The following BEST2 variants were observed in gnomAD, a reference collection of about 807,000 sequenced individuals.
The protein encoded by BEST2 is bestrophin-2a.
Under a neutral mutation model 49.0 loss-of-function variants are expected in BEST2, and 36 were observed. The observed-to-expected ratio is 0.73, with a 90% CI of 0.56 to 0.97. BEST2 has a LOEUF of 0.97. BEST2 is among the 50% of genes least tolerant of loss of function. The pLI, the probability that BEST2 is intolerant of heterozygous loss-of-function variation, is 0.00. For synonymous variants in BEST2, 335 were observed against 304.4 expected, an observed-to-expected ratio of 1.10 and a Z score of -1.05; for missense variants, 672 against 710.0, an observed-to-expected ratio of 0.95 and a Z score of 0.61.
At chr19:12,753,192 CAA>C in intron 2 of BEST2, 66 bp from the exon 3 acceptor site, 1 of 1,536,600 alleles carries the variant, frequency 6.5e-7, no homozygotes, top group Admixed American at 1.7e-5. Context: ...AGGGGCACAG[CAA>C]GAGAGATCTG....
rs1450481755 is a variant in BEST2, at chr19:12,755,947, T to C, written c.948+12T>C. The C allele has an allele frequency of 1.2e-6, 2 of 1,612,806 alleles. No homozygotes were observed. Among genetic ancestry groups the C allele is most frequent in the Non-Finnish European group, 1.7e-6 (2 of 1,178,894 alleles). ...ATAGAAACTTCCAGGTGAGACTCAG[T>C]TTCCAGGTGAGACTTCCAGGTGGCG... is the stretch of plus-strand genomic sequence containing the variant. On this transcript the variant is annotated intron_variant, in intron 8 of 9. Transcript: ENST00000553030. This position sits in a 1 kb window ranked among gnomAD's most constrained non-coding sequence, Gnocchi z 4.4.
intron 3 of BEST2, among the ~76,000 whole-genome samples, chr19:12,753,827 C>A (rs973723945): frequency 2.0e-5 from 3 of 152,108 alleles, no homozygotes; most frequent in African/African-American, 4.8e-5. Context: ...TTCAGAAGTT[C>A]CTGGCTCAGG....
chr19:12,755,663 C>T lies in BEST2; in HGVS notation c.763C>T (p.Arg255Cys), dbSNP rs757260490. The T allele has an allele frequency of 3.7e-6, 6 of 1,614,046 alleles. No individual in the cohort carries two copies. Among genetic ancestry groups the T allele is most frequent in the African/African-American group, 1.3e-5 (1 of 74,994 alleles). ...CTACTTCCTGGCTTGCCTCATTGGT[C>T]GCCAGTTCCTGGACCCGGCTCAGGG... Reference protein sequence around the residue: ...YSYFLACLIGRQFLDPAQGYK... With the variant: ...YSYFLACLIGCQFLDPAQGYK... Residue 255 changes from arginine to cysteine, a missense_variant, in exon 7 of 10, where the codon CGC becomes TGC. Transcript: ENST00000553030. This position sits in a 1 kb window ranked among gnomAD's most constrained non-coding sequence, Gnocchi z 4.4.
rs1568353909 is a variant in BEST2, at chr19:12,757,954, A to C, written c.1407A>C (p.Glu469Asp). Residue 469 changes from glutamate (E) to aspartate (D), a missense_variant, in exon 10 of 10, where the codon GAA (glutamate) becomes GAC (aspartate). Physicochemically the swap from Glu to Asp is conservative, Grantham distance 45 (BLOSUM62 2). Around this residue, in one of 3 missense-constraint regions of BEST2, gnomAD observed 291 missense variants for 279.8 expected, o/e 1.04. Coordinates refer to ENST00000553030, the MANE Select transcript of BEST2 (RefSeq NM_017682.3). ...EPEAPPPAGP[E>D]PLTLIPGPVE... ...AGGCCCCGCCCCCTGCGGGTCCCGA[A>C]CCGCTTACCCTCATCCCTGGGCCTG... The C allele has an allele frequency of 1.2e-6, 2 of 1,600,278 alleles. No individual in the cohort carries two copies. The highest frequency in any genetic ancestry group is 1.7e-6 in the Non-Finnish European group (2 of 1,175,154).
In BEST2 at chr19:12,757,983, A is replaced by C; in HGVS notation, c.1436A>C (p.Glu479Ala). The change falls in exon 10 of 10, where the codon GAG becomes GCG. Residue 479 changes from glutamate to alanine, a missense_variant. Coordinates refer to ENST00000553030, the MANE Select transcript of BEST2 (RefSeq NM_017682.3). ...EPLTLIPGPV[E>A]PFSIVTMPGP... Reference sequence around the variant, plus strand: ...CTTACCCTCATCCCTGGGCCTGTCGAGCCCTTCAGCATCGTGACCATGCCC... The same window carrying C: ...CTTACCCTCATCCCTGGGCCTGTCGCGCCCTTCAGCATCGTGACCATGCCC... 2 of 1,611,502 alleles carry C rather than the reference A, an allele frequency of 1.2e-6. No individual in the cohort carries two copies. The highest frequency in any genetic ancestry group is 1.7e-6 in the Non-Finnish European group (2 of 1,179,586).
At position 12,755,971 on chromosome 19, in the gene BEST2, C is replaced by T. The variant is rs755928366; in HGVS notation, c.948+36C>T. 1.3e-5 allele frequency: 21 copies of T among 1,604,856 alleles called. No individual in the cohort carries two copies. In the South Asian group the frequency reaches 1.8e-4, roughly 13 times the overall value. ...GTTTCCAGGTGAGACTTCCAGGTGGCGACCATCCCGGAGTGCCCAACAGGG... is the reference window on the plus strand; with the variant it reads ...GTTTCCAGGTGAGACTTCCAGGTGGTGACCATCCCGGAGTGCCCAACAGGG... On this transcript the variant is annotated intron_variant, in intron 8 of 9. Transcript: ENST00000553030. The surrounding 1 kb of genome is among the most constrained non-coding windows in gnomAD (Gnocchi z 4.4).
rs763978620 is a variant in BEST2, at chr19:12,754,857, C to T, written c.482-20C>T. ...TGGAGGGGGGCAAGGGGCGAGCTAT[C>T]CCTGACCCCTTTCCTCCAGGGTTTA... On this transcript the variant is annotated intron_variant, in intron 4 of 9. Coordinates refer to ENST00000553030, the MANE Select transcript of BEST2 (RefSeq NM_017682.3). 9 of 1,606,588 alleles carry T rather than the reference C, an allele frequency of 5.6e-6. No individual in the cohort carries two copies. The Admixed American group carries it at 1.0e-4, about 18-fold the overall frequency.
At chr19:12,756,995 T>A (rs984468955) in intron 9 of BEST2, among the ~76,000 whole-genome samples, 2 of 151,688 alleles carry the variant, frequency 1.3e-5, no homozygotes, top group Non-Finnish European at 2.9e-5. Flanking sequence ...AATACAAAAT[T>A]AGCCGGGCTT....
chr19:12,752,144 G>T (rs529326983), intron 1 of BEST2, among the ~76,000 whole-genome samples: 133 of 152,174 alleles, frequency 8.7e-4, no homozygotes, highest in Non-Finnish European at 1.6e-3. Context: ...AAGTGGAGAA[G>T]GGGGAGCCAG....
In BEST2 at chr19:12,753,385, A is replaced by G. The variant is rs181211803; in HGVS notation, c.247+31A>G. On this transcript the variant is annotated intron_variant, in intron 3 of 9. Coordinates refer to ENST00000553030, the MANE Select transcript of BEST2 (RefSeq NM_017682.3). ...GTCCAACCCCAAGTCCCCCGTTCCCATGTCCCTGAGAAACCCATATCCATT... is the reference window on the plus strand; with the variant it reads ...GTCCAACCCCAAGTCCCCCGTTCCCGTGTCCCTGAGAAACCCATATCCATT... 1.3e-4 allele frequency: 201 copies of G among 1,580,776 alleles called. 5 individuals carry two copies. In the East Asian group the frequency reaches 2.5e-3, roughly 20 times the overall value.
Position 12,754,701 on chromosome 19 carries a change from G to T in BEST2, c.397G>T (p.Gly133Trp). The change falls in exon 4 of 10, where the codon GGG becomes TGG. Residue 133 changes from glycine (G) to tryptophan (W), a missense_variant. Around this residue, in one of 3 missense-constraint regions of BEST2, gnomAD observed 365 missense variants for 390.9 expected, o/e 0.93. Transcript: ENST00000553030. ...CCGGCGCACACTCATGCGCTACGCA[G>T]GGCTCTCGGCCGTGCTCATCCTGCG... is the stretch of plus-strand genomic sequence containing the variant. ...LYRRTLMRYA[G>W]LSAVLILRSV... The T allele has an allele frequency of 6.3e-7, 1 of 1,587,740 alleles. No individual in the cohort carries two copies. Among genetic ancestry groups the T allele is most frequent in the East Asian group, 2.3e-5 (1 of 43,610 alleles).
At position 12,755,594 on chromosome 19, in the gene BEST2, G is replaced by A. The variant is rs1473822065; in HGVS notation, c.715-21G>A. Reference sequence around the variant, plus strand: ...CCTTGGACCCCAATGACCCCCCTGAGCCCTGCCCCGCCCTGCCCAGGTGGT... The same window carrying A: ...CCTTGGACCCCAATGACCCCCCTGAACCCTGCCCCGCCCTGCCCAGGTGGT... On this transcript the variant is annotated intron_variant, in intron 6 of 9. Transcript: ENST00000553030. This position sits in a 1 kb window ranked among gnomAD's most constrained non-coding sequence, Gnocchi z 4.4. The A allele has an allele frequency of 1.2e-6, 2 of 1,610,426 alleles. No individual in the cohort carries two copies. Among genetic ancestry groups the A allele is most frequent in the Non-Finnish European group, 8.5e-7 (1 of 1,177,768 alleles).
intron 3 of BEST2, among the ~76,000 whole-genome samples, chr19:12,754,024 G>T (rs999518827): frequency 9.1e-5 from 13 of 142,580 alleles, no homozygotes; most frequent in African/African-American, 3.3e-4. Flanking sequence ...CATCTGAGGT[G>T]ACTCCCAAGT....
rs1394680086 is a variant in BEST2 at position 12,752,709 on chromosome 19, C to G, written c.117C>G (p.Phe39Leu). The change falls in exon 2 of 10, where the codon TTC becomes TTG. Residue 39 changes from phenylalanine (F) to leucine (L), a missense_variant. Phe to Leu is a conservative substitution (Grantham distance 22). Transcript: ENST00000553030. Reference sequence around the variant, plus strand: ...TCCTGTGGCGAGAGCTGCTCTGCTTCCTTGGGTTCTACATGGCGCTGAGTG... The same window carrying G: ...TCCTGTGGCGAGAGCTGCTCTGCTTGCTTGGGTTCTACATGGCGCTGAGTG... ...YKLLWRELLC[F>L]LGFYMALSAA... 6.2e-7 allele frequency: 1 copy of G among 1,612,518 alleles called. No individual in the cohort carries two copies. The highest frequency in any genetic ancestry group is 8.5e-7 in the Non-Finnish European group (1 of 1,179,852).
Position 12,757,997 on chromosome 19 carries a change from G to A in BEST2, c.1450G>A (p.Val484Met). 2 of 1,612,426 alleles carry A rather than the reference G, an allele frequency of 1.2e-6. No homozygotes were observed. Among genetic ancestry groups the A allele is most frequent in the South Asian group, 1.1e-5 (1 of 90,970 alleles). ...IPGPVEPFSI[V>M]TMPGPRGPAP... ...TGGGCCTGTCGAGCCCTTCAGCATC[G>A]TGACCATGCCCGGGCCCCGGGGTCC... Residue 484 changes from valine (V) to methionine (M), a missense_variant, in exon 10 of 10, where the codon GTG (valine) becomes ATG (methionine). Physicochemically the swap from Val to Met is conservative, Grantham distance 21. Transcript: ENST00000553030.
At chr19:12,753,195 G>A (rs1465128557) in intron 2 of BEST2, 65 bp from the exon 3 acceptor site, 1 of 1,547,106 alleles carries the variant, frequency 6.5e-7, no homozygotes, top group African/African-American at 1.4e-5. Context: ...GGCACAGCAA[G>A]AGAGATCTGA....
At chr19:12,752,246 C>T (rs1967876767) in intron 1 of BEST2, among the ~76,000 whole-genome samples, 1 of 151,288 alleles carries the variant, frequency 6.6e-6, no homozygotes, top group African/African-American at 2.4e-5. Flanking sequence ...GGGCATGCTA[C>T]AGGTGGCCTC....
Position 12,758,081 on chromosome 19 carries a change from C to T in BEST2, c.*4C>T. The T allele has an allele frequency of 4.3e-6, 7 of 1,612,248 alleles. No individual in the cohort carries two copies. Among genetic ancestry groups the T allele is most frequent in the Middle Eastern group, 3.3e-4 (2 of 6,060 alleles). On this transcript the variant is annotated 3_prime_UTR_variant, in exon 10 of 10. Transcript: ENST00000553030. ...GGAGGAGGAGAATCTGGCCTGAGAT[C>T]TTAGAGCCCAGCCCCCTAAGGACAG...
In BEST2 at chr19:12,758,266, C is replaced by G. The variant is rs753206422; in HGVS notation, c.*189C>G. ...GTTCTTCCAGACTCTTGGACCAGCC[C>G]GCCCTGACCACCAGCTCTACTTCCC... is the stretch of plus-strand genomic sequence containing the variant. On this transcript the variant is annotated 3_prime_UTR_variant, in exon 10 of 10. Transcript: ENST00000553030. 1.5e-5 allele frequency: 10 copies of G among 670,786 alleles called. No individual in the cohort carries two copies. The highest frequency in any genetic ancestry group is 2.9e-5 in the East Asian group (1 of 34,692). The allele number at this position is 670,786 out of a possible 1,614,324, so 41.6% of individuals were successfully genotyped here.
Sources: gnomAD v4.1 joint callset for allele counts (sites outside exome capture counted in the v4.1 genomes callset) on GRCh38, gnomAD v4.1.1 for gene constraint, gnomAD v4.1.1 regional missense constraint, Gnocchi (gnomAD v3.1) non-coding constraint, MANE v1.5 for transcripts, NCBI Gene and HGNC (gene_info 2026-07-23, HGNC 2026-07-21) for gene names.